The following GALNT14 variants were observed in gnomAD, a reference collection of about 807,000 sequenced individuals.
The protein encoded by GALNT14 is polypeptide N-acetylgalactosaminyltransferase 14.
Under a neutral mutation model 77.5 loss-of-function variants are expected in GALNT14, and 60 were observed. The ratio of observed to expected loss-of-function variants is 0.77; its 90% CI spans 0.63 to 0.96. The LOEUF (loss-of-function observed/expected upper bound fraction) is 0.96. GALNT14 is among the 40% of genes least tolerant of loss of function. GALNT14 has a pLI of 0.00. For missense variants in GALNT14, 710 were observed against 731.0 expected (o/e 0.97, Z 0.33); for synonymous variants, 280 against 281.7 (o/e 0.99, Z 0.06).
At chr2:31,097,250 G>C (rs1020638320) in intron 1 of GALNT14, among the ~76,000 whole-genome samples, 2 of 152,240 alleles carry the variant, frequency 1.3e-5, no homozygotes, top group Non-Finnish European at 2.9e-5. Flanking sequence ...AGCTAAAGGA[G>C]ATTACTTGAA....
intron 4 of GALNT14, among the ~76,000 whole-genome samples, chr2:30,958,160 T>C (rs1667478176): frequency 6.6e-6 from 1 of 152,062 alleles, no homozygotes; most frequent in South Asian, 2.1e-4. Context: ...CAGGAAATGA[T>C]AGGAAGAGGG....
intron 1 of GALNT14, among the ~76,000 whole-genome samples, chr2:31,027,423 A>T (rs1672133554): frequency 1.3e-5 from 2 of 148,782 alleles, no homozygotes; most frequent in Admixed American, 6.6e-5. Flanking sequence ...AACTCAAAAC[A>T]AAGCAAAAAA....
chr2:31,137,366 T>C (rs1423344197), intron 1 of GALNT14, among the ~76,000 whole-genome samples: 1 of 152,198 alleles, frequency 6.6e-6, no homozygotes, highest in Non-Finnish European at 1.5e-5. Flanking sequence ...AGGCGTCTGT[T>C]TTTACAGGCT....
At chr2:30,917,232 G>A (rs942295619) in intron 13 of GALNT14, among the ~76,000 whole-genome samples, 10 of 152,248 alleles carry the variant, frequency 6.6e-5, no homozygotes, top group Middle Eastern at 3.4e-3. Flanking sequence ...TCCCCACTCA[G>A]CGGACCTCTG....
At chr2:30,943,343 G>A (rs1183802514) in intron 8 of GALNT14, among the ~76,000 whole-genome samples, 1 of 152,206 alleles carries the variant, frequency 6.6e-6, no homozygotes, top group African/African-American at 2.4e-5. Flanking sequence ...CTGGATAGGT[G>A]GGCAAGCCCT....
At chr2:31,031,336 A>C (rs1213265162) in intron 1 of GALNT14, among the ~76,000 whole-genome samples, 2 of 152,146 alleles carry the variant, frequency 1.3e-5, no homozygotes, top group African/African-American at 4.8e-5. Flanking sequence ...TTTATAAAAG[A>C]AAGCACATGA....
At chr2:30,887,455 C>T in the GALNT14 span, among the ~76,000 whole-genome samples, 8 of 152,104 alleles carry the variant, frequency 5.3e-5, no homozygotes, top group South Asian at 2.1e-4. Flanking sequence ...GTTTGCCTTG[C>T]ATTTTTCCAG....
chr2:31,125,938 A>G (rs200907934), intron 1 of GALNT14, among the ~76,000 whole-genome samples: 1 of 152,180 alleles, frequency 6.6e-6, no homozygotes, highest in African/African-American at 2.4e-5. Flanking sequence ...CCTCTCTTTA[A>G]TCAGTCTTCA....
chr2:31,115,363 A>G (rs1678055816), intron 1 of GALNT14, among the ~76,000 whole-genome samples: 1 of 152,214 alleles, frequency 6.6e-6, no homozygotes, highest in Admixed American at 6.5e-5. Flanking sequence ...ATATTTGCGG[A>G]TACAAGAGTT....
intron 1 of GALNT14, among the ~76,000 whole-genome samples, chr2:30,999,122 C>T (rs947642014): frequency 2.6e-5 from 4 of 152,208 alleles, no homozygotes; most frequent in African/African-American, 9.6e-5. Flanking sequence ...GAGTAGAAAA[C>T]AGCGATGTAA....
At chr2:31,067,728 T>C (rs1675073781) in intron 1 of GALNT14, among the ~76,000 whole-genome samples, 1 of 152,212 alleles carries the variant, frequency 6.6e-6, no homozygotes, top group African/African-American at 2.4e-5. Context: ...AGCGCTCTGC[T>C]TCTACCACTA....
At chr2:30,923,810 G>A (rs979761439) in intron 13 of GALNT14, among the ~76,000 whole-genome samples, 5 of 152,140 alleles carry the variant, frequency 3.3e-5, no homozygotes, top group Non-Finnish European at 5.9e-5. Context: ...CCCTGCCCAC[G>A]GTTGCTGCCA....
intron 1 of GALNT14, chr2:31,126,960 A>T (rs1678735060): frequency 1.3e-5 from 2 of 152,238 alleles, no homozygotes; most frequent in South Asian, 4.1e-4. Flanking sequence ...TGGCTATATA[A>T]AGAATGGAAA....
At chr2:31,029,088 G>C (rs569306168) in intron 1 of GALNT14, among the ~76,000 whole-genome samples, 2 of 152,126 alleles carry the variant, frequency 1.3e-5, no homozygotes, top group Non-Finnish European at 2.9e-5. Context: ...ACTCTAACGC[G>C]TGCAGAGGGA....
At chr2:31,092,654 C>T (rs1676811359) in intron 1 of GALNT14, among the ~76,000 whole-genome samples, 1 of 152,164 alleles carries the variant, frequency 6.6e-6, no homozygotes, top group African/African-American at 2.4e-5. Context: ...CAACCTGGGA[C>T]TGGAGACCCA....
chr2:30,913,435 A>C (rs552853417), intron 13 of GALNT14, among the ~76,000 whole-genome samples: 3 of 152,260 alleles, frequency 2.0e-5, no homozygotes, highest in African/African-American at 7.2e-5. Flanking sequence ...CTCCTACTCT[A>C]GGACAAGGTG....
chr2:31,002,154 C>A (rs761973808), intron 1 of GALNT14, among the ~76,000 whole-genome samples: 1 of 152,120 alleles, frequency 6.6e-6, no homozygotes, highest in South Asian at 2.1e-4. Flanking sequence ...TCAGGCCAGG[C>A]GCAGTGACTC....
At chr2:30,905,712 G>A (rs866010585), downstream of GALNT14, among the ~76,000 whole-genome samples, 384 of 143,438 alleles carry the variant, frequency 2.7e-3, no homozygotes, top group Middle Eastern at 0.021. Flanking sequence ...TACAGAGAAC[G>A]CCACAAAGAT....
chr2:31,056,784 G>A (rs1198856630), intron 1 of GALNT14, among the ~76,000 whole-genome samples: 2 of 152,144 alleles, frequency 1.3e-5, no homozygotes, highest in Non-Finnish European at 2.9e-5. Context: ...CTAGCAGCAG[G>A]TCTAACTGCT....
Sources: gnomAD v4.1 joint callset for allele counts (sites outside exome capture counted in the v4.1 genomes callset) on GRCh38, gnomAD v4.1.1 for gene constraint, MANE v1.5 for transcripts, NCBI Gene and HGNC (gene_info 2026-07-23, HGNC 2026-07-21) for gene names.